Variants in FANCC observed in about 807,000 individuals in gnomAD.
FANCC encodes the protein FA complementation group C, also known as Fanconi anemia group C protein.
FANCC carries 55 observed loss-of-function variants against 71.3 expected under a neutral mutation model. That is an observed-to-expected ratio of 0.77 (90% confidence interval 0.62 to 0.97). The LOEUF (loss-of-function observed/expected upper bound fraction) is 0.97. Among genes scored for constraint, FANCC ranks in the 50% least tolerant of loss-of-function variants. The probability of loss-of-function intolerance (pLI) is 0.00; values close to 1 mark genes in which losing one functional copy is unlikely to be tolerated. For missense variants in FANCC, 678 were observed against 670.9 expected (o/e 1.01, Z -0.12); for synonymous variants, 275 against 244.9 (o/e 1.12, Z -1.15).
intron 4 of FANCC, among the ~76,000 whole-genome samples, chr9:95,209,144 A>G (rs193199415): frequency 8.5e-4 from 129 of 152,362 alleles, no homozygotes; most frequent in Non-Finnish European, 1.3e-3. Context: ...TAGATAATCT[A>G]TGATTCCAAC....
At chr9:95,178,492 C>T (rs1442617610) in intron 4 of FANCC, among the ~76,000 whole-genome samples, 5 of 152,260 alleles carry the variant, frequency 3.3e-5, no homozygotes, top group East Asian at 1.9e-4. Context: ...CCCCCTAAAA[C>T]GACCTTCCGG....
chr9:95,214,791 T>C (rs1358062015), intron 4 of FANCC, among the ~76,000 whole-genome samples: 3 of 152,164 alleles, frequency 2.0e-5, no homozygotes, highest in Non-Finnish European at 1.5e-5. Context: ...TATGAGGTAC[T>C]TAGAGTAGTC....
chr9:95,260,489 T>C (rs773234391), intron 1 of FANCC, among the ~76,000 whole-genome samples: 1 of 151,898 alleles, frequency 6.6e-6, no homozygotes, highest in Non-Finnish European at 1.5e-5. Flanking sequence ...AGTCGAACAA[T>C]GCGAACACAT....
chr9:95,127,810 G>C (rs1360810745), intron 8 of FANCC, among the ~76,000 whole-genome samples: 2 of 152,228 alleles, frequency 1.3e-5, no homozygotes, highest in African/African-American at 4.8e-5. Context: ...CATTGAGCCC[G>C]CGCCATCTAG....
intron 1 of FANCC, among the ~76,000 whole-genome samples, chr9:95,253,261 T>C (rs1476566743): frequency 6.6e-6 from 1 of 152,156 alleles, no homozygotes; most frequent in African/African-American, 2.4e-5. Flanking sequence ...TGCCAGCATC[T>C]GGTTAATTAA....
intron 6 of FANCC, among the ~76,000 whole-genome samples, chr9:95,151,034 G>A (rs763711013): frequency 2.6e-5 from 4 of 152,190 alleles, no homozygotes; most frequent in Non-Finnish European, 5.9e-5. Context: ...ATAGGTGGCT[G>A]GCGGCTACAG....
intron 1 of FANCC, among the ~76,000 whole-genome samples, chr9:95,284,927 CAG>C (rs1269171248): frequency 6.6e-6 from 1 of 151,210 alleles, no homozygotes; most frequent in Non-Finnish European, 1.5e-5. Flanking sequence ...CGCACACGCA[CAG>C]AGAGAGACAC....
chr9:95,176,277 T>C (rs1260503997), intron 4 of FANCC, among the ~76,000 whole-genome samples: 2 of 152,208 alleles, frequency 1.3e-5, no homozygotes, highest in South Asian at 2.1e-4. Flanking sequence ...TTTTTAACAA[T>C]GCAAATCTGA....
intron 6 of FANCC, among the ~76,000 whole-genome samples, chr9:95,166,738 T>G (rs957454088): frequency 4.6e-5 from 7 of 152,172 alleles, no homozygotes; most frequent in Non-Finnish European, 7.4e-5. Context: ...TTTGTATCTG[T>G]AAGTTCCATA....
intron 1 of FANCC, among the ~76,000 whole-genome samples, chr9:95,283,537 A>G (rs1398973498): frequency 6.6e-6 from 1 of 152,192 alleles, no homozygotes; most frequent in Non-Finnish European, 1.5e-5. Flanking sequence ...CCCACTCTTC[A>G]AAGTTTTGTT....
chr9:95,146,487 CAAAA>C (rs61093923), intron 7 of FANCC, among the ~76,000 whole-genome samples: 10 of 45,554 alleles, frequency 2.2e-4, no homozygotes, highest in Admixed American at 1.6e-3. Flanking sequence ...GACCCCATCT[CAAAA>C]AAAAAAAAAA....
chr9:95,099,211 G>C lies in FANCC; in HGVS notation c.*2496C>G, dbSNP rs917319530. 1 of 217,900 alleles carries C rather than the reference G, an allele frequency of 4.6e-6. No homozygotes were observed. Among genetic ancestry groups the C allele is most frequent in the Non-Finnish European group, 9.2e-6 (1 of 108,634 alleles). The allele number at this position is 217,900 out of a possible 1,614,324, so 13.5% of individuals were successfully genotyped here. On this transcript the variant is annotated 3_prime_UTR_variant, in exon 15 of 15. Coordinates refer to ENST00000289081, the MANE Select transcript of FANCC (RefSeq NM_000136.3). ...CTCTTCTGTATTTTTGGCTCTCTCT[G>C]AGGGTAGTGGTTTTACCAGCATGCT...
chr9:95,106,934 C>T, intron 14 of FANCC, 132 bp downstream of exon 14: 2 of 890,370 alleles, frequency 2.2e-6, no homozygotes, highest in Non-Finnish European at 3.6e-6. Context: ...TGTCAACCTC[C>T]TTGACCATTT....
At chr9:95,181,901 T>G (rs1826395613) in intron 4 of FANCC, among the ~76,000 whole-genome samples, 1 of 152,234 alleles carries the variant, frequency 6.6e-6, no homozygotes, top group Non-Finnish European at 1.5e-5. Flanking sequence ...GGAAATCCAC[T>G]GCCCTTGCTT....
intron 1 of FANCC, chr9:95,293,567 TTCAA>T: frequency 6.2e-7 from 1 of 1,613,724 alleles, no homozygotes; most frequent in African/African-American, 1.3e-5. Flanking sequence ...ACGGCATTTC[TTCAA>T]TCAACGTGCA....
At chr9:95,112,921 T>G (rs1440835621) in intron 12 of FANCC, among the ~76,000 whole-genome samples, 1 of 152,204 alleles carries the variant, frequency 6.6e-6, no homozygotes, top group Non-Finnish European at 1.5e-5. Flanking sequence ...GCATTTGACA[T>G]CACACATTCT....
At chr9:95,114,490 A>T in intron 12 of FANCC, 139 bp downstream of exon 12, 1 of 822,866 alleles carries the variant, frequency 1.2e-6, no homozygotes, top group South Asian at 1.4e-5. Context: ...TCCACTTCTC[A>T]CTTCACCATG....
intron 4 of FANCC, among the ~76,000 whole-genome samples, chr9:95,173,341 G>A (rs1036329816): frequency 2.0e-5 from 3 of 152,172 alleles, no homozygotes; most frequent in African/African-American, 4.8e-5. Context: ...TTCCAGGGGT[G>A]TGTCTGCCTA....
At position 95,101,370 on chromosome 9, in the gene FANCC, T is replaced by C. The variant is rs1257246565; in HGVS notation, c.*337A>G. The C allele has an allele frequency of 2.4e-6, 1 of 416,032 alleles. No individual in the cohort carries two copies. The highest frequency in any genetic ancestry group is 4.4e-6 in the Non-Finnish European group (1 of 225,182). 25.8% of individuals were successfully genotyped at this position (416,032 alleles called of 1,614,324 possible). On this transcript the variant is annotated 3_prime_UTR_variant, in exon 15 of 15. Transcript: ENST00000289081. Reference sequence around the variant, plus strand: ...ACTTTGAATTTTTAAATAATAGATGTGCAGCTTGACTTGGGTAAAAACTAG... The same window carrying C: ...ACTTTGAATTTTTAAATAATAGATGCGCAGCTTGACTTGGGTAAAAACTAG...
Sources: allele counts gnomAD v4.1 joint callset (sites outside exome capture counted in the v4.1 genomes callset), GRCh38; gene constraint gnomAD v4.1.1; transcripts MANE v1.5; gene names NCBI Gene and HGNC (gene_info 2026-07-23, HGNC 2026-07-21).